The following PCDHGB2 variants were observed in gnomAD, a reference collection of about 807,000 sequenced individuals.
PCDHGB2 encodes the protein protocadherin gamma-B2.
In PCDHGB2, 55 loss-of-function variants were observed where a neutral mutation model predicts 59.3. That is an observed-to-expected ratio of 0.93 (90% CI 0.75 to 1.16). PCDHGB2 has a LOEUF of 1.16. Ranked by LOEUF, PCDHGB2 falls within the 50% of genes most tolerant of loss-of-function variation. The pLI is 0.00. For synonymous variants in PCDHGB2, 516 were observed against 512.0 expected, an observed-to-expected ratio of 1.01 and a Z score of -0.11; for missense variants, 1,228 against 1,198.5, an observed-to-expected ratio of 1.02 and a Z score of -0.36.
intron 1 of PCDHGB2, chr5:141,405,162 C>T: frequency 6.2e-7 from 1 of 1,614,098 alleles, no homozygotes; most frequent in Non-Finnish European, 8.5e-7. Flanking sequence ...GGTGTGCCCA[C>T]CTCACACTTT....
intron 1 of PCDHGB2, chr5:141,365,612 G>A (rs769437434): frequency 6.2e-7 from 1 of 1,613,592 alleles, no homozygotes; most frequent in Admixed American, 1.7e-5. Context: ...CATGGACCAT[G>A]GAACCCCGCC....
chr5:141,409,599 C>T (rs753753955), intron 1 of PCDHGB2: 22 of 1,613,822 alleles, frequency 1.4e-5, no homozygotes, highest in Non-Finnish European at 1.8e-5. Flanking sequence ...GAGAACAACC[C>T]GCCAGGAGCC....
At position 141,491,711 on chromosome 5, in the gene PCDHGB2, C is replaced by T. The variant is rs528931820; in HGVS notation, c.2422-3096C>T. 1.5e-5 allele frequency: 24 copies of T among 1,609,240 alleles called. No homozygotes were observed. In the African/African-American group the frequency reaches 1.7e-4, roughly 12 times the overall value. On this transcript the variant is annotated intron_variant, in intron 1 of 3. Transcript: ENST00000522605. This position sits in a 1 kb window ranked among gnomAD's most constrained non-coding sequence, Gnocchi z 6.9. ...CGGGAGCGGAGCCAGGTGAGGGGCT[C>T]GGCGCCGCCCCGGGCGACCCCTGGG... is the stretch of plus-strand genomic sequence containing the variant.
chr5:141,371,268 T>C (rs757493247), intron 1 of PCDHGB2: 1 of 1,614,026 alleles, frequency 6.2e-7, no homozygotes, highest in Non-Finnish European at 8.5e-7. Flanking sequence ...GAGACAACTG[T>C]TCAAGCTGGA....
At chr5:141,413,374 G>A (rs528233301) in intron 1 of PCDHGB2, 1 of 1,613,946 alleles carries the variant, frequency 6.2e-7, no homozygotes, top group East Asian at 2.2e-5. Context: ...GGCGGAGCGC[G>A]GAGTCCGCAT....
At chr5:141,384,839 AGGACCAC>A in intron 1 of PCDHGB2, 1 of 1,613,462 alleles carries the variant, frequency 6.2e-7, no homozygotes, top group East Asian at 2.2e-5. Context: ...GTGGCCGTCC[AGGACCAC>A]GGTCAGCCTC....
At chr5:141,365,754 C>G in intron 1 of PCDHGB2, 1 of 1,613,850 alleles carries the variant, frequency 6.2e-7, no homozygotes. Context: ...TTCTCTGTGA[C>G]AGCCCATGAC....
chr5:141,439,588 T>C (rs2098121813), intron 1 of PCDHGB2, among the ~76,000 whole-genome samples: 2 of 152,200 alleles, frequency 1.3e-5, no homozygotes, highest in South Asian at 4.1e-4. Flanking sequence ...AGTGCCACTG[T>C]TGGCCAGTCT....
intron 1 of PCDHGB2, among the ~76,000 whole-genome samples, chr5:141,420,581 C>T (rs1024544346): frequency 2.6e-5 from 4 of 151,994 alleles, no homozygotes; most frequent in Admixed American, 6.5e-5. Flanking sequence ...TAATTGAAAC[C>T]CTGATGCTAC....
At chr5:141,372,941 G>T in intron 1 of PCDHGB2, 1 of 810,408 alleles carries the variant, frequency 1.2e-6, no homozygotes, top group Non-Finnish European at 1.9e-6. Context: ...AGAGTAGGGT[G>T]TCTAGGAAAT....
At chr5:141,418,278 T>C (rs2096243624) in intron 1 of PCDHGB2, 1 of 1,613,954 alleles carries the variant, frequency 6.2e-7, no homozygotes, top group East Asian at 2.2e-5. Context: ...GAAATAAACT[T>C]AGAAATCAGT....
At chr5:141,428,134 T>C (rs746772496) in intron 1 of PCDHGB2, 1 of 1,600,266 alleles carries the variant, frequency 6.2e-7, no homozygotes, top group Non-Finnish European at 8.5e-7. Flanking sequence ...CTTTTCAGCC[T>C]GGGGCTGCAC....
At chr5:141,424,841 C>A (rs1303241053) in intron 1 of PCDHGB2, among the ~76,000 whole-genome samples, 1 of 152,126 alleles carries the variant, frequency 6.6e-6, no homozygotes. Context: ...TACATGTTAT[C>A]TGAAGCAATG....
At chr5:141,411,394 A>AC (rs958605809) in intron 1 of PCDHGB2, 4 of 151,570 alleles carry the variant, frequency 2.6e-5, no homozygotes, top group South Asian at 2.1e-4. Context: ...ATATAGGGAG[A>AC]CCCCCCATCT....
Position 141,375,991 on chromosome 5 carries a change from C to A in PCDHGB2, c.2421+13435C>A, listed in dbSNP as rs770239249. 2 of 1,613,448 alleles carry A rather than the reference C, an allele frequency of 1.2e-6. No homozygotes were observed. The highest frequency in any genetic ancestry group is 2.7e-5 in the African/African-American group (2 of 75,068). On this transcript the variant is annotated intron_variant, in intron 1 of 3. Transcript: ENST00000522605. ...CGGCGCGCGCCCTGCTGGACAGAGA[C>A]GCGCTCAAGCAGAGCCTAGTGGTGG...
intron 1 of PCDHGB2, chr5:141,405,033 T>C (rs753061273): frequency 6.8e-6 from 11 of 1,613,844 alleles, no homozygotes; most frequent in Admixed American, 1.7e-5. Context: ...CTCTACCTCG[T>C]TGTGGCTGTG....
rs543657386 is a variant in PCDHGB2, at chr5:141,370,919, T to C, written c.2421+8363T>C. 135 of 1,613,966 alleles carry C rather than the reference T, an allele frequency of 8.4e-5. No homozygotes were observed. The South Asian group carries it at 1.4e-3, about 17-fold the overall frequency. On this transcript the variant is annotated intron_variant, in intron 1 of 3. Coordinates refer to ENST00000522605, the MANE Select transcript of PCDHGB2 (RefSeq NM_018923.3). ...TGCAGCAGTACTACCTCAGCCCTGA[T>C]CCGCACTTCTCTTTGATTCAGAAGG... is the stretch of plus-strand genomic sequence containing the variant.
chr5:141,485,134 C>G lies in PCDHGB2; in HGVS notation c.2422-9673C>G, dbSNP rs967744072. 1.3e-6 allele frequency: 2 copies of G among 1,495,962 alleles called. No individual in the cohort carries two copies. Among genetic ancestry groups the G allele is most frequent in the South Asian group, 2.4e-5 (2 of 84,482 alleles). 92.7% of individuals were successfully genotyped at this position (1,495,962 alleles called of 1,614,324 possible). ...CTGTTTGGGGCGGGTCGGCTTCATC[C>G]GCGTCTCAGGAGCAAGTAGAGAATT... On this transcript the variant is annotated intron_variant, in intron 1 of 3. Transcript: ENST00000522605. The surrounding 1 kb of genome is among the most constrained non-coding windows in gnomAD (Gnocchi z 5.7).
chr5:141,384,465 T>C, intron 1 of PCDHGB2: 2 of 1,614,118 alleles, frequency 1.2e-6, no homozygotes, highest in Non-Finnish European at 1.7e-6. Flanking sequence ...CCTTTGATTA[T>C]GAGCAGTTGA....
Sources: gnomAD v4.1 joint callset for allele counts (sites outside exome capture counted in the v4.1 genomes callset) on GRCh38, gnomAD v4.1.1 for gene constraint, Gnocchi (gnomAD v3.1) non-coding constraint, MANE v1.5 for transcripts, NCBI Gene and HGNC (gene_info 2026-07-23, HGNC 2026-07-21) for gene names.